Variants in CSMD1 observed in about 807,000 individuals in gnomAD.
CSMD1 encodes the protein CUB and sushi domain-containing protein 1.
A neutral mutation model predicts 417.5 loss-of-function variants in CSMD1; 213 were observed. That is an observed-to-expected ratio of 0.51 (90% CI 0.46 to 0.57). CSMD1 has a LOEUF of 0.57. Ranked by LOEUF, CSMD1 falls within the 20% of genes least tolerant of loss-of-function variation. The pLI, the probability that CSMD1 is intolerant of heterozygous loss-of-function variation, is 0.00. For synonymous variants in CSMD1, 2,862 were observed against 1,736.8 expected, an observed-to-expected ratio of 1.65 and a Z score of -16.11; for missense variants, 6,923 against 4,529.7, an observed-to-expected ratio of 1.53 and a Z score of -15.17.
intron 1 of CSMD1, among the ~76,000 whole-genome samples, chr8:4,638,130 C>G (rs1283871579): frequency 6.6e-6 from 1 of 152,176 alleles, no homozygotes; most frequent in Non-Finnish European, 1.5e-5. Context: ...TATCCTGTCA[C>G]TTTAAAATAC....
chr8:2,951,919 G>A (rs1321217252), intron 65 of CSMD1, among the ~76,000 whole-genome samples: 1 of 152,064 alleles, frequency 6.6e-6, no homozygotes, highest in Non-Finnish European at 1.5e-5. Flanking sequence ...AATTTCAAAT[G>A]TTTCTTTTAT....
chr8:3,716,449 T>G (rs1801836702), intron 6 of CSMD1, among the ~76,000 whole-genome samples: 1 of 152,212 alleles, frequency 6.6e-6, no homozygotes, highest in African/African-American at 2.4e-5. Context: ...CATGCCTCCC[T>G]TTTTTAGACC....
chr8:3,123,976 T>C (rs1817355902), intron 41 of CSMD1, among the ~76,000 whole-genome samples: 1 of 152,214 alleles, frequency 6.6e-6, no homozygotes, highest in South Asian at 2.1e-4. Context: ...CTAGCGCCCT[T>C]CTGCTCATGA....
chr8:3,216,955 TCA>T (rs571489751), intron 29 of CSMD1, among the ~76,000 whole-genome samples: 8 of 152,242 alleles, frequency 5.3e-5, no homozygotes, highest in African/African-American at 1.9e-4. Context: ...TTAGATGCAA[TCA>T]CTGCCCTAGG....
intron 26 of CSMD1, among the ~76,000 whole-genome samples, chr8:3,266,092 G>A (rs543570568): frequency 4.1e-4 from 62 of 151,654 alleles, no homozygotes; most frequent in African/African-American, 1.5e-3. Context: ...CATGCCTGGG[G>A]GAAAAATTAA....
At chr8:3,287,475 C>A (rs1443198912) in intron 25 of CSMD1, among the ~76,000 whole-genome samples, 1 of 152,060 alleles carries the variant, frequency 6.6e-6, no homozygotes, top group Non-Finnish European at 1.5e-5. Flanking sequence ...TCTTTTATTT[C>A]CTTGAGCAGT....
At chr8:3,143,268 A>G (rs187298915) in intron 40 of CSMD1, among the ~76,000 whole-genome samples, 51 of 152,302 alleles carry the variant, frequency 3.3e-4, no homozygotes, top group Admixed American at 8.5e-4. Flanking sequence ...CCATAGCACA[A>G]GTTTATTAGT....
chr8:3,588,154 T>G (rs1800686529), intron 8 of CSMD1, among the ~76,000 whole-genome samples: 1 of 152,250 alleles, frequency 6.6e-6, no homozygotes, highest in South Asian at 2.1e-4. Context: ...TTTACCTACA[T>G]TTTAATATTC....
At chr8:4,879,982 A>C (rs955293039) in intron 1 of CSMD1, among the ~76,000 whole-genome samples, 4 of 152,118 alleles carry the variant, frequency 2.6e-5, no homozygotes, top group Non-Finnish European at 5.9e-5. Context: ...TTGTAAAAGC[A>C]ATATTATATC....
At chr8:3,974,785 T>C (rs865943042) in intron 5 of CSMD1, among the ~76,000 whole-genome samples, 1 of 152,132 alleles carries the variant, frequency 6.6e-6, no homozygotes. Flanking sequence ...GGTAATTCAA[T>C]CATTAATTCA....
chr8:4,534,287 C>G (rs1322931654), intron 2 of CSMD1, among the ~76,000 whole-genome samples: 1 of 152,196 alleles, frequency 6.6e-6, no homozygotes, highest in African/African-American at 2.4e-5. Flanking sequence ...CTCAAGGAGG[C>G]CAGCCCGACT....
intron 5 of CSMD1, among the ~76,000 whole-genome samples, chr8:3,943,400 C>T (rs1482606002): frequency 3.1e-5 from 4 of 130,100 alleles, no homozygotes; most frequent in African/African-American, 5.9e-5. Flanking sequence ...ATTAGAATGT[C>T]TTATAAGTTG....
intron 3 of CSMD1, among the ~76,000 whole-genome samples, chr8:4,055,264 T>C (rs1280274951): frequency 6.6e-6 from 1 of 152,188 alleles, no homozygotes; most frequent in Non-Finnish European, 1.5e-5. Flanking sequence ...GAATTCAGGT[T>C]AAACAATTTT....
At chr8:3,445,067 T>A (rs147409879) in intron 12 of CSMD1, among the ~76,000 whole-genome samples, 268 of 152,276 alleles carry the variant, frequency 1.8e-3, no homozygotes, top group Middle Eastern at 3.4e-3. Context: ...CGGCAAAATG[T>A]CTACTATGGC....
chr8:3,667,802 G>C (rs1563252045), intron 7 of CSMD1, among the ~76,000 whole-genome samples: 1 of 152,166 alleles, frequency 6.6e-6, no homozygotes, highest in Non-Finnish European at 1.5e-5. Flanking sequence ...GGAAACAGAA[G>C]ACCCAGGGCA....
intron 2 of CSMD1, among the ~76,000 whole-genome samples, chr8:4,560,244 C>T (rs908322836): frequency 6.6e-5 from 10 of 152,188 alleles, no homozygotes; most frequent in Admixed American, 4.6e-4. Context: ...CATTTCCTGC[C>T]AAAGTAATTT....
At chr8:4,228,713 T>C (rs1044747833) in intron 3 of CSMD1, among the ~76,000 whole-genome samples, 4 of 152,052 alleles carry the variant, frequency 2.6e-5, no homozygotes, top group Non-Finnish European at 5.9e-5. Context: ...AGATGGAGTC[T>C]ACCTCTGTCA....
intron 3 of CSMD1, among the ~76,000 whole-genome samples, chr8:4,253,867 T>TA (rs1803254758): frequency 6.6e-6 from 1 of 151,782 alleles, no homozygotes; most frequent in Non-Finnish European, 1.5e-5. Context: ...CCTGCTGGTC[T>TA]TATCTACAAA....
At chr8:3,694,215 G>C (rs1800419217) in intron 7 of CSMD1, among the ~76,000 whole-genome samples, 1 of 152,088 alleles carries the variant, frequency 6.6e-6, no homozygotes, top group Admixed American at 6.6e-5. Context: ...AGGGACCTCT[G>C]AAACCCAGGG....
Sources: gnomAD v4.1 joint callset for allele counts (sites outside exome capture counted in the v4.1 genomes callset) on GRCh38, gnomAD v4.1.1 for gene constraint, MANE v1.5 for transcripts, NCBI Gene and HGNC (gene_info 2026-07-23, HGNC 2026-07-21) for gene names.